C6orf62: variants seen among roughly 807,000 people sequenced by gnomAD.
C6orf62 encodes uncharacterized protein C6orf62.
Under a neutral mutation model 26.8 loss-of-function variants are expected in C6orf62, and 16 were observed. The ratio of observed to expected loss-of-function variants is 0.60; its 90% confidence interval spans 0.40 to 0.91. The LOEUF (loss-of-function observed/expected upper bound fraction) is 0.91. Among genes scored for constraint, C6orf62 ranks in the 40% least tolerant of loss-of-function variants. The pLI is 0.00. For missense variants in C6orf62, 192 were observed against 271.4 expected, an observed-to-expected ratio of 0.71 and a Z score of 2.06; for synonymous variants, 112 against 91.5, an observed-to-expected ratio of 1.22 and a Z score of -1.28.
chr6:24,720,052 TAGCTCTCTCTCAC>T, upstream of C6orf62: 1 of 1,227,002 alleles, frequency 8.1e-7, no homozygotes, highest in Non-Finnish European at 1.0e-6. Flanking sequence ...GTTCCCGGAT[TAGCTCTCTCTCAC>T]GTTGAACAGA....
upstream of C6orf62, chr6:24,720,066 G>A: frequency 4.1e-6 from 5 of 1,207,972 alleles, no homozygotes; most frequent in Admixed American, 4.0e-5. Flanking sequence ...TCTCTCTCAC[G>A]TTGAACAGAC....
chr6:24,709,657 C>A, intron 3 of C6orf62: 1 of 985,372 alleles, frequency 1.0e-6, no homozygotes, highest in Non-Finnish European at 1.2e-6. Flanking sequence ...GGGTCATTCT[C>A]AAAAATTTGT....
chr6:24,719,356 T>G (rs917791667), upstream of C6orf62: 13 of 1,004,112 alleles, frequency 1.3e-5, no homozygotes, highest in East Asian at 1.1e-4. Flanking sequence ...GTGGTGAGCA[T>G]AGAGAAAAGT....
intron 2 of C6orf62, among the ~76,000 whole-genome samples, chr6:24,715,516 T>C (rs758355344): frequency 4.6e-5 from 7 of 152,184 alleles, no homozygotes; most frequent in African/African-American, 9.7e-5. Flanking sequence ...CTTCAAAAAT[T>C]TTTAAACTTT....
At chr6:24,714,839 G>A (rs1253700489) in intron 2 of C6orf62, among the ~76,000 whole-genome samples, 1 of 152,030 alleles carries the variant, frequency 6.6e-6, no homozygotes, top group South Asian at 2.1e-4. Context: ...GGCTGGTCTC[G>A]AACTCCTGAC....
chr6:24,714,846 T>G (rs1187544917), intron 2 of C6orf62, among the ~76,000 whole-genome samples: 1 of 152,196 alleles, frequency 6.6e-6, no homozygotes, highest in African/African-American at 2.4e-5. Context: ...CTCGAACTCC[T>G]GACCTCAGGT....
At chr6:24,716,390 TACAATGTCATGTAAC>T in intron 1 of C6orf62, 66 bp from the exon 2 acceptor site, 4 of 1,136,226 alleles carry the variant, frequency 3.5e-6, no homozygotes, top group Non-Finnish European at 5.2e-6. Context: ...CAGTTCATAT[TACAATGTCATGTAAC>T]ATTAACTCCA....
chr6:24,720,361 C>T, upstream of C6orf62: 17 of 1,228,848 alleles, frequency 1.4e-5, no homozygotes, highest in Non-Finnish European at 1.6e-5. Flanking sequence ...CAACTGAGCC[C>T]CTCCATCCCC....
intron 2 of C6orf62, among the ~76,000 whole-genome samples, chr6:24,715,033 T>C (rs1779195405): frequency 6.6e-6 from 1 of 152,216 alleles, no homozygotes; most frequent in South Asian, 2.1e-4. Flanking sequence ...CTGATATCTG[T>C]TGTATTGTCA....
intron 4 of C6orf62, 82 bp downstream of exon 4, chr6:24,708,695 T>C (rs1779061926): frequency 4.5e-6 from 7 of 1,542,346 alleles, no homozygotes; most frequent in Non-Finnish European, 6.2e-6. Context: ...GACACAACAA[T>C]TAAGTAACTT....
In C6orf62 at chr6:24,718,773, T is replaced by C. The variant is rs1779290792; in HGVS notation, c.-105A>G. On this transcript the variant is annotated 5_prime_UTR_variant, in exon 1 of 5. Coordinates refer to ENST00000378119, the MANE Select transcript of C6orf62 (RefSeq NM_030939.5). Reference sequence around the variant, plus strand: ...AGAAACAAGTCATTTTTTTTCCTGCTAATATGATTGATTAGCGAAAATCAC... The same window carrying C: ...AGAAACAAGTCATTTTTTTTCCTGCCAATATGATTGATTAGCGAAAATCAC... The C allele has an allele frequency of 1.3e-6, 2 of 1,569,846 alleles. No homozygotes were observed. The highest frequency in any genetic ancestry group is 2.2e-5 in the East Asian group (1 of 44,544).
intron 3 of C6orf62, among the ~76,000 whole-genome samples, chr6:24,713,658 T>C (rs1779170322): frequency 6.6e-6 from 1 of 152,118 alleles, no homozygotes; most frequent in Admixed American, 6.5e-5. Flanking sequence ...TAAATATATA[T>C]ATTAAAAAAG....
intron 3 of C6orf62, chr6:24,709,646 T>C (rs1031467025): frequency 5.3e-5 from 52 of 985,322 alleles, no homozygotes; most frequent in Non-Finnish European, 5.9e-5. Context: ...CAGTTAGCCT[T>C]GGGTCATTCT....
chr6:24,714,448 A>G lies in C6orf62; in HGVS notation c.307-8T>C, dbSNP rs1014445738. 5.2e-6 allele frequency: 8 copies of G among 1,541,920 alleles called. No homozygotes were observed. The highest frequency in any genetic ancestry group is 7.0e-6 in the Non-Finnish European group (8 of 1,146,800). On this transcript the variant is annotated splice_region_variant and splice_polypyrimidine_tract_variant and intron_variant, in intron 2 of 4. Coordinates refer to ENST00000378119, the MANE Select transcript of C6orf62 (RefSeq NM_030939.5). ...AGTACAGCCAATTACATCCTATAAA[A>G]TGATTAAAAAAAAAAAAGTTTACTT...
intron 3 of C6orf62, 69 bp downstream of exon 3, chr6:24,714,249 A>G: frequency 7.9e-7 from 1 of 1,262,928 alleles, no homozygotes; most frequent in South Asian, 1.6e-5. Flanking sequence ...GAATTTCTCA[A>G]GTTAGACCCT....
chr6:24,705,553 TA>T lies in C6orf62; in HGVS notation c.*583del, dbSNP rs2127631317. ...GTACCAGGAAACAAACATGGCCCAG[TA>T]AAATATGAGGCAAAAATGCCTACAA... On this transcript the variant is annotated 3_prime_UTR_variant, in exon 5 of 5. Coordinates refer to ENST00000378119, the MANE Select transcript of C6orf62 (RefSeq NM_030939.5). 6.5e-6 allele frequency: 1 copy of T among 152,734 alleles called. No homozygotes were observed. Among genetic ancestry groups the T allele is most frequent in the African/African-American group, 2.4e-5 (1 of 41,564 alleles). The allele number at this position is 152,734 out of a possible 1,614,324, so 9.5% of individuals were successfully genotyped here.
Position 24,706,310 on chromosome 6 carries a change from G to C in C6orf62, c.565-48C>G, listed in dbSNP as rs762458792. On this transcript the variant is annotated intron_variant, in intron 4 of 4. Transcript: ENST00000378119. ...TATTTTTTAAAAATAAGACTTTAGC[G>C]TAACTGTCACATGAAGTCCATTTCC... 5 of 1,601,484 alleles carry C rather than the reference G, an allele frequency of 3.1e-6. No homozygotes were observed. The South Asian group carries it at 5.6e-5, about 18-fold the overall frequency.
At chr6:24,719,820 G>GGGCCA, upstream of C6orf62, 1 of 1,546,558 alleles carries the variant, frequency 6.5e-7, no homozygotes, top group East Asian at 2.5e-5. Context: ...ACCCCCGCAG[G>GGGCCA]TCCCACCCCC....
At chr6:24,714,662 C>T (rs910414092) in intron 2 of C6orf62, among the ~76,000 whole-genome samples, 1 of 152,186 alleles carries the variant, frequency 6.6e-6, no homozygotes, top group Non-Finnish European at 1.5e-5. Flanking sequence ...GTGGCCCACA[C>T]TGGAGTGCAA....
Sources: allele counts gnomAD v4.1 joint callset (sites outside exome capture counted in the v4.1 genomes callset), GRCh38; gene constraint gnomAD v4.1.1; transcripts MANE v1.5; gene names NCBI Gene and HGNC (gene_info 2026-07-23, HGNC 2026-07-21).